Variants in FILIP1 observed in about 807,000 individuals in gnomAD.
FILIP1 encodes the protein filamin A interacting protein 1.
A neutral mutation model predicts 102.1 loss-of-function variants in FILIP1; 61 were observed. That is an observed-to-expected ratio of 0.60 (90% CI 0.49 to 0.74). The LOEUF (loss-of-function observed/expected upper bound fraction) is 0.74, where lower values mean the gene tolerates loss of function less well. FILIP1 is among the 30% of genes least tolerant of loss of function. The probability of loss-of-function intolerance (pLI) is 0.00; values close to 1 mark genes in which losing one functional copy is unlikely to be tolerated. For missense variants in FILIP1, 1,314 were observed against 1,441.2 expected, an observed-to-expected ratio of 0.91 and a Z score of 1.43; for synonymous variants, 491 against 526.9, an observed-to-expected ratio of 0.93 and a Z score of 0.93.
At chr6:75,446,908 G>A (rs1329899461) in intron 1 of FILIP1, among the ~76,000 whole-genome samples, 1 of 152,124 alleles carries the variant, frequency 6.6e-6, no homozygotes, top group Non-Finnish European at 1.5e-5. Flanking sequence ...AAAACCTGAT[G>A]CCAAGAGTCT....
At chr6:75,392,560 T>C (rs549464912) in intron 2 of FILIP1, among the ~76,000 whole-genome samples, 1 of 152,288 alleles carries the variant, frequency 6.6e-6, no homozygotes, top group South Asian at 2.1e-4. Flanking sequence ...GCAAATCTCT[T>C]TCTCACATAT....
intron 4 of FILIP1, among the ~76,000 whole-genome samples, chr6:75,321,402 C>T (rs537985152): frequency 2.0e-5 from 3 of 152,140 alleles, no homozygotes; most frequent in Non-Finnish European, 4.4e-5. Flanking sequence ...ATTTTGTCAG[C>T]CATCCCACCC....
chr6:75,431,892 A>G (rs972691457), intron 1 of FILIP1, among the ~76,000 whole-genome samples: 4 of 152,236 alleles, frequency 2.6e-5, no homozygotes, highest in African/African-American at 9.6e-5. Flanking sequence ...GTGTTTTTAA[A>G]AATCTCTTAT....
At chr6:75,407,454 C>T (rs2998378) in intron 2 of FILIP1, among the ~76,000 whole-genome samples, 3,907 of 152,212 alleles carry the variant, frequency 0.026, 179 homozygotes, top group African/African-American at 0.089. Flanking sequence ...TCTCCATCTC[C>T]TGACCTTGTG....
chr6:75,354,121 T>G (rs1483235268), intron 3 of FILIP1, among the ~76,000 whole-genome samples: 26 of 152,192 alleles, frequency 1.7e-4, no homozygotes, highest in Non-Finnish European at 4.4e-5. Context: ...ATGTGTCAGG[T>G]GTATACCTAT....
At chr6:75,489,109 A>T (rs1478837888) in intron 1 of FILIP1, among the ~76,000 whole-genome samples, 1 of 152,138 alleles carries the variant, frequency 6.6e-6, no homozygotes, top group African/African-American at 2.4e-5. Flanking sequence ...GCTGTACATT[A>T]CCCAGTATAG....
At chr6:75,426,909 C>T (rs1186037780) in intron 1 of FILIP1, among the ~76,000 whole-genome samples, 5 of 152,040 alleles carry the variant, frequency 3.3e-5, no homozygotes, top group East Asian at 3.9e-4. Flanking sequence ...TCATTTTGCA[C>T]GGGACCCTCC....
intron 4 of FILIP1, among the ~76,000 whole-genome samples, chr6:75,352,827 AGGTGCTTCATTG>A (rs1427671258): frequency 6.6e-6 from 1 of 150,936 alleles, no homozygotes; most frequent in Non-Finnish European, 1.5e-5. Flanking sequence ...TTTCAAATGT[AGGTGCTTCATTG>A]ATCAAGTTTA....
intron 1 of FILIP1, among the ~76,000 whole-genome samples, chr6:75,431,646 T>C (rs1167146506): frequency 6.6e-6 from 1 of 151,864 alleles, no homozygotes; most frequent in Non-Finnish European, 1.5e-5. Context: ...CAAACCAGAG[T>C]GAGGGTGTAG....
At chr6:75,379,194 C>T (rs1237194875) in intron 2 of FILIP1, among the ~76,000 whole-genome samples, 7 of 152,168 alleles carry the variant, frequency 4.6e-5, no homozygotes, top group Non-Finnish European at 8.8e-5. Context: ...CAAGGATATA[C>T]AGTTGATTCA....
chr6:75,297,012 A>G (rs962260984), intron 6 of FILIP1: 22 of 152,122 alleles, frequency 1.4e-4, no homozygotes, highest in African/African-American at 5.3e-4. Context: ...TCAAAATGAG[A>G]CAGATTCCTA....
intron 2 of FILIP1, among the ~76,000 whole-genome samples, chr6:75,375,111 G>A (rs561300379): frequency 2.0e-5 from 3 of 152,056 alleles, no homozygotes; most frequent in African/African-American, 7.3e-5. Flanking sequence ...TCTGAGTGCA[G>A]CACAGTGTCT....
intron 2 of FILIP1, among the ~76,000 whole-genome samples, chr6:75,390,631 G>GA (rs1776253605): frequency 1.3e-5 from 2 of 152,144 alleles, no homozygotes; most frequent in Admixed American, 1.3e-4. Context: ...ACAGTACCAA[G>GA]GGGAGTGGTG....
intron 2 of FILIP1, among the ~76,000 whole-genome samples, chr6:75,395,872 T>C (rs528293309): frequency 3.3e-5 from 5 of 152,206 alleles, no homozygotes; most frequent in East Asian, 3.9e-4. Flanking sequence ...CGACAAATAA[T>C]TGAATAAGCT....
intron 2 of FILIP1, among the ~76,000 whole-genome samples, chr6:75,371,192 G>A (rs546360108): frequency 1.2e-3 from 176 of 152,224 alleles, no homozygotes; most frequent in African/African-American, 4.1e-3. Context: ...ACATAGTTAG[G>A]TTACAGGGCC....
chr6:75,490,798 G>T (rs9359124), intron 1 of FILIP1, among the ~76,000 whole-genome samples: 5 of 152,086 alleles, frequency 3.3e-5, no homozygotes, highest in African/African-American at 9.6e-5. Context: ...TTTTCTGTGC[G>T]TGGTAAAACC....
downstream of FILIP1, among the ~76,000 whole-genome samples, chr6:75,307,128 G>A (rs1384177925): frequency 2.0e-5 from 3 of 152,054 alleles, no homozygotes; most frequent in Non-Finnish European, 4.4e-5. Context: ...ATATAATGCC[G>A]AGAACTGATG....
intron 1 of FILIP1, among the ~76,000 whole-genome samples, chr6:75,467,847 G>A (rs752649398): frequency 7.9e-5 from 12 of 152,188 alleles, no homozygotes; most frequent in Non-Finnish European, 1.8e-4. Flanking sequence ...TGGATACGAA[G>A]GACAAGAGGG....
At chr6:75,320,761 A>G (rs1159305745) in intron 4 of FILIP1, among the ~76,000 whole-genome samples, 1 of 152,202 alleles carries the variant, frequency 6.6e-6, no homozygotes, top group Non-Finnish European at 1.5e-5. Flanking sequence ...CTAATGAGCA[A>G]TGGCCTCCCT....
Sources: allele counts gnomAD v4.1 joint callset (sites outside exome capture counted in the v4.1 genomes callset), GRCh38; gene constraint gnomAD v4.1.1; transcripts MANE v1.5; gene names NCBI Gene and HGNC (gene_info 2026-07-23, HGNC 2026-07-21).